The following MAMDC2 variants were observed in gnomAD, a reference collection of about 807,000 sequenced individuals.
MAMDC2 encodes the protein MAM domain containing 2, also known as MAM domain-containing protein 2.
MAMDC2 carries 57 observed loss-of-function variants against 89.8 expected under a neutral mutation model. The observed-to-expected ratio is 0.63, with a 90% confidence interval of 0.51 to 0.79. The LOEUF is 0.79. MAMDC2 is among the 30% of genes least tolerant of loss of function. The pLI is 0.00. For missense variants in MAMDC2, 800 were observed against 820.6 expected (o/e 0.97, Z 0.31); for synonymous variants, 313 against 293.4 (o/e 1.07, Z -0.68).
rs58371718 is a variant in MAMDC2 at position 70,140,661 on chromosome 9, A to G, written c.1138+373A>G. Reference sequence around the variant, plus strand: ...CAGGGGCCGTGGCAGAGGGAATAAGAGTGTTTAAGTATGGGGTTGCCTTTG... The same window carrying G: ...CAGGGGCCGTGGCAGAGGGAATAAGGGTGTTTAAGTATGGGGTTGCCTTTG... On this transcript the variant is annotated intron_variant, in intron 8 of 13. Transcript: ENST00000377182. 4.6e-5 allele frequency among the ~76,000 whole-genome samples: 7 copies of G among 152,238 alleles called. No individual in the cohort carries two copies. The East Asian group carries it at 1.4e-3, about 29-fold the overall frequency.
At chr9:70,223,613 T>C (rs1288068574) in intron 12 of MAMDC2, among the ~76,000 whole-genome samples, 8 of 152,220 alleles carry the variant, frequency 5.3e-5, no homozygotes, top group Non-Finnish European at 8.8e-5. Context: ...GTATTGAATA[T>C]TGCCATGTTT....
chr9:70,142,516 C>T (rs1441307804), intron 8 of MAMDC2, among the ~76,000 whole-genome samples: 21 of 152,190 alleles, frequency 1.4e-4, no homozygotes, highest in Admixed American at 1.4e-3. Context: ...CCATAATAGT[C>T]TGCTCAGGCA....
chr9:70,087,460 T>C (rs535778937), intron 2 of MAMDC2: 11 of 152,270 alleles, frequency 7.2e-5, no homozygotes, highest in African/African-American at 1.7e-4. Context: ...AACATTCTTA[T>C]AGCTGATAGT....
At chr9:70,168,240 C>T (rs1478231929) in intron 9 of MAMDC2, among the ~76,000 whole-genome samples, 4 of 152,058 alleles carry the variant, frequency 2.6e-5, no homozygotes, top group Admixed American at 2.6e-4. Context: ...AACTGTAATC[C>T]CAGCACTTTG....
rs147581308 is a variant in MAMDC2, at chr9:70,108,300, T to A, written c.238T>A (p.Cys80Ser). 8 of 1,614,000 alleles carry A rather than the reference T, an allele frequency of 5.0e-6. No homozygotes were observed. In the African/African-American group the frequency reaches 1.1e-4, roughly 22 times the overall value. The change falls in exon 3 of 14, where the codon TGC (cysteine) becomes AGC (serine). Residue 80 changes from cysteine to serine, a missense_variant. Physicochemically the swap from Cys to Ser is moderately radical, Grantham distance 112. Transcript: ENST00000377182. Reference protein sequence around the residue: ...SPDLQAEEWSCLRLVYQITTS... With the variant: ...SPDLQAEEWSSLRLVYQITTS... The stretch of plus-strand genomic sequence containing the variant: ...TGACTTACAGGCTGAGGAATGGAGC[T>A]GCCTCCGTTTGGTCTACCAGATAAC...
intron 2 of MAMDC2, among the ~76,000 whole-genome samples, chr9:70,053,599 A>C (rs985546673): frequency 6.6e-6 from 1 of 152,238 alleles, no homozygotes; most frequent in Admixed American, 6.5e-5. Flanking sequence ...TTGATCAAGC[A>C]GTGAAGGAGG....
intron 2 of MAMDC2, chr9:70,105,931 C>T (rs1027798563): frequency 3.3e-5 from 5 of 152,236 alleles, no homozygotes; most frequent in African/African-American, 1.2e-4. Context: ...TTACATGCTA[C>T]AGGAGCCTGC....
At chr9:70,162,464 T>C (rs1283696803) in intron 9 of MAMDC2, among the ~76,000 whole-genome samples, 1 of 152,002 alleles carries the variant, frequency 6.6e-6, no homozygotes, top group African/African-American at 2.4e-5. Context: ...TACCTGATTC[T>C]CTACTTTTTC....
At chr9:70,120,977 G>T (rs1158985521) in intron 5 of MAMDC2, among the ~76,000 whole-genome samples, 1 of 152,126 alleles carries the variant, frequency 6.6e-6, no homozygotes, top group East Asian at 1.9e-4. Context: ...CTTCAGACCA[G>T]GTTGTCTGCC....
intron 2 of MAMDC2, among the ~76,000 whole-genome samples, chr9:70,096,620 C>A (rs1260511790): frequency 1.3e-5 from 2 of 152,082 alleles, no homozygotes; most frequent in African/African-American, 2.4e-5. Context: ...ATTGCCAGCC[C>A]CAATCAAATT....
At chr9:70,196,521 A>C (rs1003534113) in intron 11 of MAMDC2, among the ~76,000 whole-genome samples, 1 of 152,150 alleles carries the variant, frequency 6.6e-6, no homozygotes, top group African/African-American at 2.4e-5. Context: ...AGTGACACCA[A>C]GCCATTTACT....
At chr9:70,209,076 A>T (rs189747803) in intron 11 of MAMDC2, among the ~76,000 whole-genome samples, 7 of 152,268 alleles carry the variant, frequency 4.6e-5, no homozygotes, top group Non-Finnish European at 8.8e-5. Context: ...CATCAGGGAT[A>T]TTGGTCTAAA....
intron 12 of MAMDC2, among the ~76,000 whole-genome samples, chr9:70,223,997 A>C (rs543627035): frequency 3.0e-4 from 46 of 152,310 alleles, no homozygotes; most frequent in South Asian, 6.2e-4. Flanking sequence ...ACTATTCAGA[A>C]TATAATTCCT....
At chr9:70,224,338 T>C (rs987502484) in intron 12 of MAMDC2, among the ~76,000 whole-genome samples, 2 of 152,140 alleles carry the variant, frequency 1.3e-5, no homozygotes, top group Non-Finnish European at 2.9e-5. Context: ...TCTCATTGTA[T>C]ATAGCAAAGG....
At chr9:70,152,609 A>G (rs1292046227) in intron 9 of MAMDC2, among the ~76,000 whole-genome samples, 2 of 152,250 alleles carry the variant, frequency 1.3e-5, no homozygotes, top group African/African-American at 4.8e-5. Context: ...CCTGGCTAAC[A>G]TCAAAAGTGT....
chr9:70,198,277 G>A (rs1285674679), intron 11 of MAMDC2, among the ~76,000 whole-genome samples: 2 of 151,476 alleles, frequency 1.3e-5, no homozygotes, highest in African/African-American at 4.9e-5. Context: ...ATACAGTTTG[G>A]TACTATCCAC....
chr9:70,189,870 T>A (rs1184850198), intron 11 of MAMDC2, among the ~76,000 whole-genome samples: 2 of 152,118 alleles, frequency 1.3e-5, no homozygotes, highest in Non-Finnish European at 2.9e-5. Context: ...TCCAATCTGC[T>A]GCTGGGCCCT....
At chr9:70,057,832 A>G (rs1375000457) in intron 2 of MAMDC2, among the ~76,000 whole-genome samples, 1 of 152,232 alleles carries the variant, frequency 6.6e-6, no homozygotes, top group African/African-American at 2.4e-5. Flanking sequence ...GAGAGAGACC[A>G]TCTGAGATTT....
At chr9:70,195,307 G>A (rs145144399) in intron 11 of MAMDC2, among the ~76,000 whole-genome samples, 299 of 152,152 alleles carry the variant, frequency 2.0e-3, no homozygotes, top group Non-Finnish European at 3.4e-3. Context: ...ATAAAGGTAC[G>A]TGTAACAGAT....
Sources: allele counts gnomAD v4.1 joint callset (sites outside exome capture counted in the v4.1 genomes callset), GRCh38; gene constraint gnomAD v4.1.1; transcripts MANE v1.5; gene names NCBI Gene and HGNC (gene_info 2026-07-23, HGNC 2026-07-21).